Variants in MAP3K6 observed in about 807,000 individuals in gnomAD.
The protein encoded by MAP3K6 is apoptosis signal-regulating kinase 2.
MAP3K6 carries 105 observed loss-of-function variants against 147.1 expected under a neutral mutation model. The ratio of observed to expected loss-of-function variants is 0.71; its 90% CI spans 0.61 to 0.84. MAP3K6 has a LOEUF of 0.84. Among genes scored for constraint, MAP3K6 ranks in the 40% least tolerant of loss-of-function variants. MAP3K6 has a pLI of 0.00. For missense variants in MAP3K6, 1,569 were observed against 1,715.0 expected (o/e 0.91, Z 1.50); for synonymous variants, 695 against 732.4 (o/e 0.95, Z 0.82).
At position 27,364,973 on chromosome 1, in the gene MAP3K6, G is replaced by T; in HGVS notation, c.341-61C>A. The T allele has an allele frequency of 1.3e-6, 2 of 1,524,920 alleles. No individual in the cohort carries two copies. The highest frequency in any genetic ancestry group is 1.3e-5 in the South Asian group (1 of 78,896). 94.5% of individuals were successfully genotyped at this position (1,524,920 alleles called of 1,614,324 possible). A position where few individuals can be genotyped will look rare whatever the true frequency, so the allele number is the denominator to read the frequency against. On this transcript the variant is annotated intron_variant, in intron 1 of 28. Transcript: ENST00000357582. This position sits in a 1 kb window ranked among gnomAD's most constrained non-coding sequence, Gnocchi z 4.4. ...GCCCAGCTTGATGGGGAAGGAGCCGGGGTCCATCCTGGCTTGACCTGCCTT... is the reference window on the plus strand; with the variant it reads ...GCCCAGCTTGATGGGGAAGGAGCCGTGGTCCATCCTGGCTTGACCTGCCTT...
Position 27,360,510 on chromosome 1 carries a change from A to G in MAP3K6, c.2055-142T>C, listed in dbSNP as rs1385096787. On this transcript the variant is annotated intron_variant, in intron 15 of 28. Coordinates refer to ENST00000357582, the MANE Select transcript of MAP3K6 (RefSeq NM_004672.5). The surrounding 1 kb of genome is among the most constrained non-coding windows in gnomAD (Gnocchi z 4.5). ...CTTCCCCACCCTTACTACCCTGCCCACAGGACCCTCCAGACCTCAATCCCG... is the reference window on the plus strand; with the variant it reads ...CTTCCCCACCCTTACTACCCTGCCCGCAGGACCCTCCAGACCTCAATCCCG... 2.5e-5 allele frequency: 23 copies of G among 933,632 alleles called. No homozygotes were observed. The highest frequency in any genetic ancestry group is 2.9e-5 in the Non-Finnish European group (22 of 760,578). 57.8% of individuals were successfully genotyped at this position (933,632 alleles called of 1,614,324 possible). A position where few individuals can be genotyped will look rare whatever the true frequency, so the allele number is the denominator to read the frequency against.
chr1:27,356,494 G>C lies in MAP3K6; in HGVS notation c.3531C>G (p.Arg1177=). The change falls in exon 26 of 29, where the codon CGC becomes CGG. Residue 1177 remains arginine, a synonymous_variant. Coordinates refer to ENST00000357582, the MANE Select transcript of MAP3K6 (RefSeq NM_004672.5). The part of the protein sequence containing the change: ...SLLRAETDRL[R]EILAGKEREY... ...CCCGTTCCTTCCCCGCCAGGATTTCGCGCAGCCTGTGGGGCGCAGAAGAGT... is the reference window on the plus strand; with the variant it reads ...CCCGTTCCTTCCCCGCCAGGATTTCCCGCAGCCTGTGGGGCGCAGAAGAGT... The C allele has an allele frequency of 6.2e-7, 1 of 1,613,752 alleles. No homozygotes were observed. Among genetic ancestry groups the C allele is most frequent in the African/African-American group, 1.3e-5 (1 of 75,058 alleles).
Position 27,364,930 on chromosome 1 carries a change from G to A in MAP3K6, c.341-18C>T, listed in dbSNP as rs540414808. The A allele has an allele frequency of 5.1e-6, 8 of 1,566,738 alleles. No homozygotes were observed. Among genetic ancestry groups the A allele is most frequent in the East Asian group, 4.5e-5 (2 of 44,336 alleles). On this transcript the variant is annotated intron_variant, in intron 1 of 28. Transcript: ENST00000357582. The surrounding 1 kb of genome is among the most constrained non-coding windows in gnomAD (Gnocchi z 4.4). ...CACCACATCTGCAGGCACAGAGGGGGTGGCGCTGATCCCTGAAGCCCAGCT... is the reference window on the plus strand; with the variant it reads ...CACCACATCTGCAGGCACAGAGGGGATGGCGCTGATCCCTGAAGCCCAGCT...
chr1:27,364,255 G>A lies in MAP3K6; in HGVS notation c.644C>T (p.Pro215Leu). The A allele has an allele frequency of 6.2e-7, 1 of 1,613,548 alleles. No individual in the cohort carries two copies. The change falls in exon 4 of 29, where the codon CCC becomes CTC. Residue 215 changes from proline to leucine, a missense_variant. Pro to Leu is a moderately conservative substitution (Grantham distance 98, BLOSUM62 -3). Coordinates refer to ENST00000357582, the MANE Select transcript of MAP3K6 (RefSeq NM_004672.5). This position sits in a 1 kb window ranked among gnomAD's most constrained non-coding sequence, Gnocchi z 4.4. ...AGVGTEALLT[P>L]LVGRLARLLE... ...CAGGCGGGCAAGCCGGCCCACCAGGGGAGTGAGCAGGGCCTCGGTCCCCAC... is the reference window on the plus strand; with the variant it reads ...CAGGCGGGCAAGCCGGCCCACCAGGAGAGTGAGCAGGGCCTCGGTCCCCAC...
rs376172004 is a variant in MAP3K6, at chr1:27,360,222, T to A, written c.2182+19A>T. The A allele has an allele frequency of 2.7e-5, 43 of 1,613,170 alleles. No homozygotes were observed. Among genetic ancestry groups the A allele is most frequent in the Non-Finnish European group, 3.4e-5 (40 of 1,179,530 alleles). ...GCTTCACACCTCGGTTTCATTCCCA[T>A]CCCACACAGGGCAGGTACCTCCAGG... On this transcript the variant is annotated intron_variant, in intron 16 of 28. Transcript: ENST00000357582. The surrounding 1 kb of genome is among the most constrained non-coding windows in gnomAD (Gnocchi z 4.5).
intron 1 of MAP3K6, among the ~76,000 whole-genome samples, chr1:27,365,717 T>C (rs901865536): frequency 1.3e-5 from 2 of 151,078 alleles, no homozygotes; most frequent in African/African-American, 4.9e-5. Flanking sequence ...CAGTATCCAG[T>C]CCCGTCGGGC....
At position 27,359,829 on chromosome 1, in the gene MAP3K6, G is replaced by C; in HGVS notation, c.2319+29C>G. ...GTTTCCTTCCCCGCCACCCTCAGCA[G>C]ATGAGGGCGGGCCAGCCCCAGGGCT... On this transcript the variant is annotated intron_variant, in intron 17 of 28. Coordinates refer to ENST00000357582, the MANE Select transcript of MAP3K6 (RefSeq NM_004672.5). This position sits in a 1 kb window ranked among gnomAD's most constrained non-coding sequence, Gnocchi z 4.4. 1 of 1,612,892 alleles carries C rather than the reference G, an allele frequency of 6.2e-7. No homozygotes were observed. Among genetic ancestry groups the C allele is most frequent in the South Asian group, 1.1e-5 (1 of 91,058 alleles).
At position 27,360,909 on chromosome 1, in the gene MAP3K6, C is replaced by A. The variant is rs563631139; in HGVS notation, c.1920+12G>T. On this transcript the variant is annotated intron_variant, in intron 14 of 28. Coordinates refer to ENST00000357582, the MANE Select transcript of MAP3K6 (RefSeq NM_004672.5). This position sits in a 1 kb window ranked among gnomAD's most constrained non-coding sequence, Gnocchi z 4.5. ...CCTCGCCCTCCGCGAGCTCCCAGTC[C>A]CGCGTCCTCACCTCCAACATCTCCC... 1.2e-6 allele frequency: 2 copies of A among 1,607,998 alleles called. No individual in the cohort carries two copies. Among genetic ancestry groups the A allele is most frequent in the East Asian group, 2.2e-5 (1 of 44,734 alleles).
rs770733486 is a variant in MAP3K6 at position 27,366,250 on chromosome 1, G to C, written c.340+8C>G. ...GCCCGGATCCGGCCCCGCCCCCAGCGCTCTCACCCGCGTTGTAGAAGGCAT... is the reference window on the plus strand; with the variant it reads ...GCCCGGATCCGGCCCCGCCCCCAGCCCTCTCACCCGCGTTGTAGAAGGCAT... On this transcript the variant is annotated splice_region_variant and intron_variant, in intron 1 of 28. Coordinates refer to ENST00000357582, the MANE Select transcript of MAP3K6 (RefSeq NM_004672.5). This position sits in a 1 kb window ranked among gnomAD's most constrained non-coding sequence, Gnocchi z 5.5. 6.8e-6 allele frequency: 9 copies of C among 1,314,480 alleles called. No homozygotes were observed. In the Admixed American group the frequency reaches 2.7e-4, roughly 40 times the overall value. 81.4% of individuals were successfully genotyped at this position (1,314,480 alleles called of 1,614,324 possible).
Position 27,362,074 on chromosome 1 carries a change from C to G in MAP3K6, c.1415+17G>C, listed in dbSNP as rs746399745. On this transcript the variant is annotated intron_variant, in intron 9 of 28. Transcript: ENST00000357582. ...GACAGCCCAGGTCAGGCCAAGAATGCAGAGGGGGCCACCTACCATATGGGG... is the reference window on the plus strand; with the variant it reads ...GACAGCCCAGGTCAGGCCAAGAATGGAGAGGGGGCCACCTACCATATGGGG... 1 of 1,600,086 alleles carries G rather than the reference C, an allele frequency of 6.2e-7. No homozygotes were observed. Among genetic ancestry groups the G allele is most frequent in the Non-Finnish European group, 8.5e-7 (1 of 1,172,262 alleles).
chr1:27,356,555 C>T, intron 25 of MAP3K6, 35 bp downstream of exon 25: 1 of 1,610,970 alleles, frequency 6.2e-7, no homozygotes, highest in Non-Finnish European at 8.5e-7. Flanking sequence ...GGTTGAAGCC[C>T]GGCAGAGGCT....
Position 27,360,705 on chromosome 1 carries a change from C to G in MAP3K6, c.2054G>C (p.Arg685Thr). ...CCACCCGCGCTGCCACGCACCGCACCTGCTGTCCCGCTCCGGGATCTCCTT... is the reference window on the plus strand; with the variant it reads ...CCACCCGCGCTGCCACGCACCGCACGTGCTGTCCCGCTCCGGGATCTCCTT... ...AIKEIPERDS[R>T]FSQPLHEEIA... The change falls in exon 15 of 29, where the codon AGG becomes ACG. Residue 685 changes from arginine (R) to threonine (T), a missense_variant and splice_region_variant. Transcript: ENST00000357582. The surrounding 1 kb of genome is among the most constrained non-coding windows in gnomAD (Gnocchi z 4.5). 1 of 1,611,200 alleles carries G rather than the reference C, an allele frequency of 6.2e-7. No individual in the cohort carries two copies. The highest frequency in any genetic ancestry group is 1.1e-5 in the South Asian group (1 of 90,920).
chr1:27,362,731 C>G lies in MAP3K6; in HGVS notation c.1165G>C (p.Glu389Gln), dbSNP rs573216169. ...TTGATGCCTGAGTGAAGGCTGGGCT[C>G]TACGTCAAAAGCCTTGCGATACCTG... ...YHWYRKAFDV[E>Q]PSLHSGINAA... Residue 389 changes from glutamate to glutamine, a missense_variant, in exon 8 of 29, where the codon GAG (glutamate) becomes CAG (glutamine). By Grantham distance (29) the Glu-to-Gln change is conservative. Coordinates refer to ENST00000357582, the MANE Select transcript of MAP3K6 (RefSeq NM_004672.5). The G allele has an allele frequency of 1.9e-6, 3 of 1,612,160 alleles. No individual in the cohort carries two copies. Among genetic ancestry groups the G allele is most frequent in the African/African-American group, 1.3e-5 (1 of 75,012 alleles).
In MAP3K6 at chr1:27,366,401, T is replaced by G. The variant is rs2015987260; in HGVS notation, c.197A>C (p.Glu66Ala). The stretch of plus-strand genomic sequence containing the variant: ...GCAGCGCAGGGGCAGCGGCTCCGCC[T>G]CGGTTCCCTCCCGAGGCTCGAGCCC... ...QPGLEPREGT[E>A]AEPLPLRCLR... The change falls in exon 1 of 29, where the codon GAG (glutamate) becomes GCG (alanine). Residue 66 changes from glutamate to alanine, a missense_variant. Coordinates refer to ENST00000357582, the MANE Select transcript of MAP3K6 (RefSeq NM_004672.5). The surrounding 1 kb of genome is among the most constrained non-coding windows in gnomAD (Gnocchi z 5.5). 1 of 1,230,718 alleles carries G rather than the reference T, an allele frequency of 8.1e-7. No individual in the cohort carries two copies. The highest frequency in any genetic ancestry group is 3.3e-5 in the South Asian group (1 of 30,308). 76.2% of individuals were successfully genotyped at this position (1,230,718 alleles called of 1,614,324 possible).
rs1253642300 is a variant in MAP3K6 at position 27,359,467 on chromosome 1, C to T, written c.2375G>A (p.Gly792Asp). ...FSGLLKISDF[G>D]TSKRLAGITP... ...GATGCCTGCCAGCCGCTTGGAGGTGCCGAAGTCAGAAATCTTGAGCAGCCC... is the reference window on the plus strand; with the variant it reads ...GATGCCTGCCAGCCGCTTGGAGGTGTCGAAGTCAGAAATCTTGAGCAGCCC... Residue 792 changes from glycine (G) to aspartate (D), a missense_variant, in exon 18 of 29, where the codon GGC becomes GAC. By Grantham distance (94) the Gly-to-Asp change is moderately conservative. Transcript: ENST00000357582. This position sits in a 1 kb window ranked among gnomAD's most constrained non-coding sequence, Gnocchi z 4.4. 2 of 1,614,008 alleles carry T rather than the reference C, an allele frequency of 1.2e-6. No homozygotes were observed. The highest frequency in any genetic ancestry group is 2.7e-5 in the African/African-American group (2 of 74,910).
intron 23 of MAP3K6, 51 bp downstream of exon 23, chr1:27,357,349 G>C (rs2015565332): frequency 1.1e-5 from 17 of 1,555,090 alleles, no homozygotes; most frequent in Non-Finnish European, 1.5e-5. Context: ...CAGGCACGGG[G>C]AACTCACTAC....
chr1:27,355,804 C>G, intron 27 of MAP3K6, 59 bp from the exon 28 acceptor site: 3 of 1,520,802 alleles, frequency 2.0e-6, no homozygotes, highest in Non-Finnish European at 2.7e-6. Flanking sequence ...AAAGATGTGT[C>G]GAGACCCAGG....
In MAP3K6 at chr1:27,360,607, G is replaced by A; in HGVS notation, c.2054+98C>T. On this transcript the variant is annotated intron_variant, in intron 15 of 28. Transcript: ENST00000357582. The surrounding 1 kb of genome is among the most constrained non-coding windows in gnomAD (Gnocchi z 4.5). ...TCGAACTCTCAGGTCCTACGAGCCC[G>A]CCCACTAGGCCCCGCCCACAGGAGC... 1 of 1,478,208 alleles carries A rather than the reference G, an allele frequency of 6.8e-7. No homozygotes were observed. 91.6% of individuals were successfully genotyped at this position (1,478,208 alleles called of 1,614,324 possible).
rs141787524 is a variant in MAP3K6, at chr1:27,358,259, G to A, written c.2837C>T (p.Pro946Leu). 7,742 of 1,601,616 alleles carry A rather than the reference G, an allele frequency of 4.8e-3. 60 individuals are homozygous for A. Among genetic ancestry groups the A allele is most frequent in the Non-Finnish European group, 4.8e-3 (5,680 of 1,176,808 alleles). The change falls in exon 21 of 29, where the codon CCG (proline) becomes CTG (leucine). Residue 946 changes from proline to leucine, a missense_variant. By Grantham distance (98) the Pro-to-Leu change is moderately conservative (BLOSUM62 -3). Coordinates refer to ENST00000357582, the MANE Select transcript of MAP3K6 (RefSeq NM_004672.5). The surrounding 1 kb of genome is among the most constrained non-coding windows in gnomAD (Gnocchi z 6.2). The stretch of plus-strand genomic sequence containing the variant: ...GTGCTGAGAGGGTGCCTGAGGGCAC[G>A]GGAATGTCTGAGACTGGGTGGTTGA... ...ANSTTQSQTF[P>L]CPQAPSQHPP...
Sources: gnomAD v4.1 joint callset for allele counts (sites outside exome capture counted in the v4.1 genomes callset) on GRCh38, gnomAD v4.1.1 for gene constraint, Gnocchi (gnomAD v3.1) non-coding constraint, MANE v1.5 for transcripts, NCBI Gene and HGNC (gene_info 2026-07-23, HGNC 2026-07-21) for gene names.